Variants in LINGO2 observed in about 807,000 individuals in gnomAD.
The protein encoded by LINGO2 is leucine-rich repeat and immunoglobulin-like domain-containing nogo receptor-interacting protein 2.
In LINGO2, 14 loss-of-function variants were observed where a neutral mutation model predicts 30.6. The observed-to-expected ratio is 0.46, with a 90% CI of 0.30 to 0.72. The LOEUF is 0.72. Ranked by LOEUF, LINGO2 falls within the 30% of genes least tolerant of loss-of-function variation. The probability of loss-of-function intolerance (pLI) is 0.07; values close to 1 mark genes in which losing one functional copy is unlikely to be tolerated. For synonymous variants in LINGO2, 317 were observed against 288.5 expected (o/e 1.10, Z -1.00); for missense variants, 729 against 751.7 (o/e 0.97, Z 0.35).
At chr9:28,521,854 G>GT (rs1820840694) in intron 1 of LINGO2, among the ~76,000 whole-genome samples, 1 of 152,124 alleles carries the variant, frequency 6.6e-6, no homozygotes, top group African/African-American at 2.4e-5. Flanking sequence ...TACACACAGA[G>GT]TAAAAACAGC....
intron 2 of LINGO2, among the ~76,000 whole-genome samples, chr9:28,399,643 C>T (rs946357430): frequency 2.0e-5 from 3 of 152,082 alleles, no homozygotes; most frequent in Admixed American, 6.6e-5. Flanking sequence ...CCATTTTCCA[C>T]CCACTGTGAA....
intron 3 of LINGO2, among the ~76,000 whole-genome samples, chr9:28,307,742 C>T (rs1365443826): frequency 6.6e-6 from 1 of 152,150 alleles, no homozygotes; most frequent in African/African-American, 2.4e-5. Context: ...TCTCAGGATA[C>T]AAAATCAATG....
At chr9:28,594,119 G>A (rs1039521378) in intron 1 of LINGO2, among the ~76,000 whole-genome samples, 15 of 151,882 alleles carry the variant, frequency 9.9e-5, no homozygotes, top group Non-Finnish European at 1.6e-4. Flanking sequence ...GTGAAATGGC[G>A]TTCGTGGGTG....
the LINGO2 span, among the ~76,000 whole-genome samples, chr9:28,721,217 T>C: frequency 2.6e-5 from 4 of 152,220 alleles, no homozygotes; most frequent in South Asian, 8.3e-4. Flanking sequence ...GGTAGGAGTG[T>C]AAATTAGTTC....
chr9:28,696,591 C>T, the LINGO2 span, among the ~76,000 whole-genome samples: 2 of 151,780 alleles, frequency 1.3e-5, no homozygotes, highest in Non-Finnish European at 2.9e-5. Flanking sequence ...AGCTTATTTT[C>T]AATATGCTTA....
At chr9:28,672,598 G>A (rs1451652260), upstream of LINGO2, among the ~76,000 whole-genome samples, 1 of 152,096 alleles carries the variant, frequency 6.6e-6, no homozygotes, top group African/African-American at 2.4e-5. Context: ...CTCATTATAA[G>A]TTTTAAGTTC....
chr9:28,499,990 T>A (rs2135310369), intron 1 of LINGO2, among the ~76,000 whole-genome samples: 1 of 152,294 alleles, frequency 6.6e-6, no homozygotes, highest in South Asian at 2.1e-4. Flanking sequence ...GAAGGTAAAT[T>A]GTGACACCAG....
At chr9:28,231,880 G>T (rs756830248) in intron 4 of LINGO2, among the ~76,000 whole-genome samples, 23 of 151,820 alleles carry the variant, frequency 1.5e-4, no homozygotes, top group Non-Finnish European at 2.5e-4. Flanking sequence ...CTTAAAAAAA[G>T]GATACTTCCT....
At chr9:28,948,426 A>G in the LINGO2 span, among the ~76,000 whole-genome samples, 667 of 152,190 alleles carry the variant, frequency 4.4e-3, 4 homozygotes, top group Non-Finnish European at 6.9e-3. Flanking sequence ...TGCAAGCTAA[A>G]GCTTTTATAA....
At chr9:28,117,089 G>A (rs1283629755) in intron 4 of LINGO2, among the ~76,000 whole-genome samples, 2 of 135,270 alleles carry the variant, frequency 1.5e-5, no homozygotes, top group African/African-American at 2.7e-5. Context: ...ATGGGTTTTC[G>A]GTGTAGATGT....
chr9:27,980,699 G>T (rs892925632), intron 5 of LINGO2, among the ~76,000 whole-genome samples: 2 of 151,838 alleles, frequency 1.3e-5, no homozygotes, highest in Non-Finnish European at 2.9e-5. Context: ...TCTTGACCTT[G>T]TCATGCACAT....
chr9:28,353,010 A>C (rs1819974603), intron 3 of LINGO2, among the ~76,000 whole-genome samples: 1 of 150,808 alleles, frequency 6.6e-6, no homozygotes, highest in African/African-American at 2.4e-5. Context: ...TTCAAGATGG[A>C]TTAAAGACTT....
chr9:28,891,850 T>C, the LINGO2 span, among the ~76,000 whole-genome samples: 731 of 151,538 alleles, frequency 4.8e-3, 2 homozygotes, highest in Non-Finnish European at 7.3e-3. Flanking sequence ...GAGCAACATA[T>C]TTTAGAATGA....
chr9:27,985,032 C>CAT (rs10636077), intron 5 of LINGO2, among the ~76,000 whole-genome samples: 56,415 of 151,302 alleles, frequency 0.37, 10,442 homozygotes, highest in African/African-American at 0.4. Context: ...TAATTAGACA[C>CAT]GTTTCTCTTT....
chr9:28,283,379 C>A (rs73645629), intron 4 of LINGO2, among the ~76,000 whole-genome samples: 2,032 of 152,234 alleles, frequency 0.013, 38 homozygotes, highest in African/African-American at 0.047. Flanking sequence ...TCACTAGTAG[C>A]AATGGGGCTT....
intron 5 of LINGO2, among the ~76,000 whole-genome samples, chr9:27,983,088 G>A (rs4310288): frequency 0.05 from 7,521 of 151,578 alleles, 350 homozygotes; most frequent in Admixed American, 0.1. Flanking sequence ...ATTTTCATAC[G>A]TCCTAATCTA....
At chr9:28,235,678 G>C (rs1487743217) in intron 4 of LINGO2, among the ~76,000 whole-genome samples, 1 of 152,150 alleles carries the variant, frequency 6.6e-6, no homozygotes, top group Non-Finnish European at 1.5e-5. Context: ...TTCTAGAGTT[G>C]AAAAATGCCA....
chr9:28,902,735 T>C, the LINGO2 span, among the ~76,000 whole-genome samples: 2 of 152,074 alleles, frequency 1.3e-5, no homozygotes, highest in South Asian at 2.1e-4. Context: ...GAAAGAATCT[T>C]GGAAAACGCA....
At chr9:28,463,910 T>A (rs573656111) in intron 2 of LINGO2, among the ~76,000 whole-genome samples, 294 of 152,252 alleles carry the variant, frequency 1.9e-3, no homozygotes, top group African/African-American at 6.8e-3. Flanking sequence ...GATAATTATT[T>A]TTTATTTAAA....
Sources: gnomAD v4.1 joint callset for allele counts (sites outside exome capture counted in the v4.1 genomes callset) on GRCh38, gnomAD v4.1.1 for gene constraint, MANE v1.5 for transcripts, NCBI Gene and HGNC (gene_info 2026-07-23, HGNC 2026-07-21) for gene names.